Variants in JARID2 observed in about 807,000 individuals in gnomAD.
JARID2 encodes jumonji and AT-rich interaction domain containing 2.
Under a neutral mutation model 125.6 loss-of-function variants are expected in JARID2, and 21 were observed. The ratio of observed to expected loss-of-function variants is 0.17; its 90% CI spans 0.12 to 0.24. The LOEUF is 0.24. Ranked by LOEUF, JARID2 falls within the 10% of genes least tolerant of loss-of-function variation. JARID2 has a pLI of 1.00. For synonymous variants in JARID2, 736 were observed against 661.6 expected (o/e 1.11, Z -1.73); for missense variants, 1,303 against 1,639.6 (o/e 0.79, Z 3.55).
At chr6:15,306,946 C>A (rs1240773404) in intron 1 of JARID2, among the ~76,000 whole-genome samples, 1 of 148,348 alleles carries the variant, frequency 6.7e-6, no homozygotes, top group Non-Finnish European at 1.5e-5. Flanking sequence ...ATATTTTTAA[C>A]ATTAAAAAAT....
intron 5 of JARID2, among the ~76,000 whole-genome samples, chr6:15,475,922 C>T (rs1278819541): frequency 4.6e-5 from 7 of 152,180 alleles, no homozygotes; most frequent in South Asian, 2.1e-4. Flanking sequence ...GAGGGCATCA[C>T]GATTGTGTAT....
chr6:15,475,497 T>C (rs944108034), intron 5 of JARID2, among the ~76,000 whole-genome samples: 1 of 152,176 alleles, frequency 6.6e-6, no homozygotes, highest in East Asian at 1.9e-4. Flanking sequence ...ACTAGCATTT[T>C]CTCTTGCATA....
At chr6:15,504,260 T>C (rs1270077607) in intron 8 of JARID2, among the ~76,000 whole-genome samples, 1 of 152,244 alleles carries the variant, frequency 6.6e-6, no homozygotes, top group Non-Finnish European at 1.5e-5. Flanking sequence ...CCTCTGTTCC[T>C]GGCAGAACAA....
intron 3 of JARID2, 57 bp from the exon 4 acceptor site, chr6:15,451,949 G>C: frequency 1.9e-6 from 3 of 1,544,448 alleles, no homozygotes; most frequent in Non-Finnish European, 1.8e-6. Flanking sequence ...GCCGCACGTA[G>C]GCCTATATCC....
intron 1 of JARID2, among the ~76,000 whole-genome samples, chr6:15,357,959 G>A (rs1316224133): frequency 1.3e-5 from 2 of 152,138 alleles, no homozygotes; most frequent in Non-Finnish European, 2.9e-5. Flanking sequence ...TGTTTATGAT[G>A]TTTTTGTGCT....
chr6:15,339,128 C>T (rs776912297), intron 1 of JARID2, among the ~76,000 whole-genome samples: 1 of 151,994 alleles, frequency 6.6e-6, no homozygotes, highest in African/African-American at 2.4e-5. Flanking sequence ...AGGTGGAAGA[C>T]GGGAAGCGGA....
chr6:15,496,167 T>C lies in JARID2; in HGVS notation c.942T>C (p.Ser314=), dbSNP rs777820705. ...TAAACGGAGTCACTCGAATGTCATC[T>C]CTGGGTGCAGGTGTAACCAGTGCCA... ...SKVNGVTRMS[S]LGAGVTSAKK... is the part of the protein sequence containing the mutation. Residue 314 remains serine (S), a synonymous_variant, in exon 7 of 18, where the codon TCT becomes TCC. Transcript: ENST00000341776. 6.2e-7 allele frequency: 1 copy of C among 1,613,832 alleles called. No homozygotes were observed. Among genetic ancestry groups the C allele is most frequent in the East Asian group, 2.2e-5 (1 of 44,864 alleles).
intron 5 of JARID2, among the ~76,000 whole-genome samples, chr6:15,479,291 CAAA>C (rs1472474085): frequency 6.6e-6 from 1 of 152,190 alleles, no homozygotes; most frequent in East Asian, 1.9e-4. Context: ...TTTTCAATGA[CAAA>C]AACCATTCAT....
At chr6:15,404,227 C>A (rs13215514) in intron 2 of JARID2, among the ~76,000 whole-genome samples, 14,414 of 152,178 alleles carry the variant, frequency 0.095, 779 homozygotes, top group Middle Eastern at 0.17. Flanking sequence ...CTCCCTGGAG[C>A]TCTGTGCTCC....
chr6:15,286,734 C>T (rs11970490), intron 1 of JARID2, among the ~76,000 whole-genome samples: 7,204 of 151,678 alleles, frequency 0.047, 592 homozygotes, highest in African/African-American at 0.16. Flanking sequence ...TGGTGGCAGG[C>T]GCCTGTAGTC....
intron 2 of JARID2, among the ~76,000 whole-genome samples, chr6:15,379,653 G>T (rs752979016): frequency 1.3e-5 from 2 of 152,228 alleles, no homozygotes; most frequent in Non-Finnish European, 2.9e-5. Context: ...CCGGGCAGTA[G>T]TTGTGATGGC....
At chr6:15,387,458 C>CT (rs1287986294) in intron 2 of JARID2, among the ~76,000 whole-genome samples, 4 of 152,322 alleles carry the variant, frequency 2.6e-5, no homozygotes, top group African/African-American at 9.6e-5. Context: ...GCTGGTTCCT[C>CT]TGAGTCTTCC....
At chr6:15,312,518 T>C (rs1762049139) in intron 1 of JARID2, among the ~76,000 whole-genome samples, 1 of 152,214 alleles carries the variant, frequency 6.6e-6, no homozygotes, top group Non-Finnish European at 1.5e-5. Context: ...TGTGCTCCTG[T>C]CCTGTGCCCC....
intron 1 of JARID2, among the ~76,000 whole-genome samples, chr6:15,367,383 A>G (rs1366244373): frequency 6.6e-6 from 1 of 152,222 alleles, no homozygotes; most frequent in African/African-American, 2.4e-5. Context: ...ATTGTAGGCT[A>G]GTAATAGAAA....
intron 1 of JARID2, among the ~76,000 whole-genome samples, chr6:15,319,208 G>A (rs1460572040): frequency 2.0e-5 from 3 of 152,142 alleles, no homozygotes; most frequent in East Asian, 3.9e-4. Context: ...CATTAGATGA[G>A]CACAGATCTT....
chr6:15,281,627 G>T (rs886618740), intron 1 of JARID2, among the ~76,000 whole-genome samples: 1 of 152,196 alleles, frequency 6.6e-6, no homozygotes, highest in African/African-American at 2.4e-5. Context: ...GGAATGTAAG[G>T]TTATGGCCTG....
chr6:15,303,731 A>G (rs1471345698), intron 1 of JARID2, among the ~76,000 whole-genome samples: 1 of 152,242 alleles, frequency 6.6e-6, no homozygotes, highest in Non-Finnish European at 1.5e-5. Flanking sequence ...CTCAATCACT[A>G]TTAAACAAAA....
At chr6:15,409,582 T>C (rs1235440737) in intron 2 of JARID2, among the ~76,000 whole-genome samples, 1 of 152,224 alleles carries the variant, frequency 6.6e-6, no homozygotes, top group Non-Finnish European at 1.5e-5. Flanking sequence ...CTGCAGCTTC[T>C]TTCCATATTT....
chr6:15,366,218 GAAAAT>G (rs917221471), intron 1 of JARID2, among the ~76,000 whole-genome samples: 12 of 152,106 alleles, frequency 7.9e-5, no homozygotes, highest in African/African-American at 2.9e-4. Context: ...AACACGTTCT[GAAAAT>G]AAAAGGCATT....
Sources: allele counts gnomAD v4.1 joint callset (sites outside exome capture counted in the v4.1 genomes callset), GRCh38; gene constraint gnomAD v4.1.1; transcripts MANE v1.5; gene names NCBI Gene and HGNC (gene_info 2026-07-23, HGNC 2026-07-21).